C1orf159: variants seen among roughly 807,000 people sequenced by gnomAD.
The protein encoded by C1orf159 is uncharacterized protein C1orf159.
A neutral mutation model predicts 25.6 loss-of-function variants in C1orf159; 19 were observed. The observed-to-expected ratio is 0.74, with a 90% confidence interval of 0.52 to 1.09. C1orf159 has a LOEUF of 1.09. Among genes scored for constraint, C1orf159 ranks in the 50% least tolerant of loss-of-function variants. The pLI is 0.00. For missense variants in C1orf159, 274 were observed against 290.6 expected (o/e 0.94, Z 0.42); for synonymous variants, 139 against 124.7 (o/e 1.12, Z -0.77).
At chr1:1,088,777 CG>C (rs1645877204) in intron 4 of C1orf159, among the ~76,000 whole-genome samples, 1 of 152,190 alleles carries the variant, frequency 6.6e-6, no homozygotes, top group Non-Finnish European at 1.5e-5. Flanking sequence ...TGAATACAAA[CG>C]GGCCGCGGCG....
intron 9 of C1orf159, 44 bp downstream of exon 9, chr1:1,084,309 C>A (rs1442900998): frequency 1.3e-6 from 2 of 1,525,996 alleles, no homozygotes; most frequent in Non-Finnish European, 1.8e-6. Context: ...GGGACTGGCC[C>A]AGAGATGGGA....
intron 4 of C1orf159, among the ~76,000 whole-genome samples, chr1:1,088,394 G>T: frequency 9.9e-6 from 1 of 100,764 alleles, no homozygotes; most frequent in Non-Finnish European, 1.8e-5. Context: ...CTCGCACCCC[G>T]TGTTCCCTCA....
At chr1:1,083,866 C>G in intron 9 of C1orf159, 1 of 1,492,334 alleles carries the variant, frequency 6.7e-7, no homozygotes, top group East Asian at 2.5e-5. Flanking sequence ...GGCTGTGCGC[C>G]GGTCACTCAG....
At chr1:1,095,068 TCCA>T (rs1645991337) in intron 1 of C1orf159, among the ~76,000 whole-genome samples, 2 of 152,262 alleles carry the variant, frequency 1.3e-5, no homozygotes, top group African/African-American at 4.8e-5. Flanking sequence ...TCTATTCTGT[TCCA>T]CTCACCTGTG....
In C1orf159 at chr1:1,086,134, C is replaced by G; in HGVS notation, c.311-122G>C. 2.4e-6 allele frequency: 3 copies of G among 1,269,184 alleles called. No individual in the cohort carries two copies. In the Admixed American group the frequency reaches 6.5e-5, roughly 28 times the overall value. 78.6% of individuals were successfully genotyped at this position (1,269,184 alleles called of 1,614,324 possible). A position where few individuals can be genotyped will look rare whatever the true frequency, so the allele number is the denominator to read the frequency against. On this transcript the variant is annotated intron_variant, in intron 6 of 9. Transcript: ENST00000421241. Reference sequence around the variant, plus strand: ...CTGAACATGCCTGAGCCTCACGGGACCGGCTGTGGGTGCCGAGGGCTCTGC... The same window carrying G: ...CTGAACATGCCTGAGCCTCACGGGAGCGGCTGTGGGTGCCGAGGGCTCTGC...
rs1047396158 is a variant in C1orf159, at chr1:1,089,992, G to A, written c.148+361C>T. ...AGCACCTCTGCCCGAGCACGGACAG[G>A]CAAAAATGTCTTGGGCTTTGCCAGA... On this transcript the variant is annotated intron_variant, in intron 4 of 9. Coordinates refer to ENST00000421241, the MANE Select transcript of C1orf159 (RefSeq NM_017891.5). This position sits in a 1 kb window ranked among gnomAD's most constrained non-coding sequence, Gnocchi z 7.5. Among the ~76,000 whole-genome samples, 8 of 152,216 alleles carry A rather than the reference G, an allele frequency of 5.3e-5. No homozygotes were observed. Among genetic ancestry groups the A allele is most frequent in the Admixed American group, 6.5e-5 (1 of 15,290 alleles).
intron 1 of C1orf159, among the ~76,000 whole-genome samples, chr1:1,109,251 T>C (rs915200693): frequency 1.3e-5 from 2 of 152,222 alleles, no homozygotes; most frequent in Admixed American, 6.5e-5. Flanking sequence ...TTGAAAACAC[T>C]ATGCTAAGTG....
In C1orf159 at chr1:1,082,771, C is replaced by A; in HGVS notation, c.*122G>T. The A allele has an allele frequency of 1.1e-6, 1 of 915,552 alleles. No homozygotes were observed. Among genetic ancestry groups the A allele is most frequent in the Non-Finnish European group, 1.7e-6 (1 of 581,994 alleles). The allele number at this position is 915,552 out of a possible 1,614,324, so 56.7% of individuals were successfully genotyped here. ...GCTGGGAGGCGGAGGGACTCAGAGC[C>A]GAGGCTGTGCCCAGGACTGTCCCGG... is the stretch of plus-strand genomic sequence containing the variant. On this transcript the variant is annotated 3_prime_UTR_variant, in exon 10 of 10. Coordinates refer to ENST00000421241, the MANE Select transcript of C1orf159 (RefSeq NM_017891.5).
rs763704351 is a variant in C1orf159, at chr1:1,087,179, G to A, written c.270C>T (p.Pro90=). The change falls in exon 6 of 10, where the codon CCC becomes CCT. Residue 90 remains proline, a synonymous_variant. Coordinates refer to ENST00000421241, the MANE Select transcript of C1orf159 (RefSeq NM_017891.5). This position sits in a 1 kb window ranked among gnomAD's most constrained non-coding sequence, Gnocchi z 8.3. ...RSFAGPGAPF[P]MNRSSGTPGR... ...CGGGGGTCCCTGAGCTTCTGTTCAT[G>A]GGGAATGGCGCACCCGGGCCAGCAA... The A allele has an allele frequency of 6.2e-7, 1 of 1,610,238 alleles. No homozygotes were observed. Among genetic ancestry groups the A allele is most frequent in the Non-Finnish European group, 8.5e-7 (1 of 1,179,254 alleles).
chr1:1,083,956 C>T lies in C1orf159; in HGVS notation c.502+397G>A, dbSNP rs149638137. 60 of 1,602,200 alleles carry T rather than the reference C, an allele frequency of 3.7e-5. No homozygotes were observed. In the African/African-American group the frequency reaches 4.7e-4, roughly 12 times the overall value. On this transcript the variant is annotated intron_variant, in intron 9 of 9. Transcript: ENST00000421241. ...TCCGCCTGACCCAGCACCACTGAAG[C>T]GATGGCTGCTCAGGAGGGCCTGGCG... is the stretch of plus-strand genomic sequence containing the variant.
chr1:1,087,653 T>G lies in C1orf159; in HGVS notation c.149-56A>C. 1 of 1,274,992 alleles carries G rather than the reference T, an allele frequency of 7.8e-7. No individual in the cohort carries two copies. Among genetic ancestry groups the G allele is most frequent in the Non-Finnish European group, 1.1e-6 (1 of 915,838 alleles). 79.0% of individuals were successfully genotyped at this position (1,274,992 alleles called of 1,614,324 possible). A position where few individuals can be genotyped will look rare whatever the true frequency, so the allele number is the denominator to read the frequency against. On this transcript the variant is annotated intron_variant, in intron 4 of 9. Transcript: ENST00000421241. This position sits in a 1 kb window ranked among gnomAD's most constrained non-coding sequence, Gnocchi z 8.3. The stretch of plus-strand genomic sequence containing the variant: ...CAAAGCAAAATCCACACCAGCTGGG[T>G]CTCCTGGGAATGATTCTCTATTTGA...
intron 1 of C1orf159, among the ~76,000 whole-genome samples, chr1:1,101,623 C>G (rs940755879): frequency 2.6e-5 from 4 of 151,900 alleles, no homozygotes; most frequent in African/African-American, 9.7e-5. Context: ...GCTCAGGGTC[C>G]GTCGGCTCAT....
chr1:1,084,179 G>C (rs1346568570), intron 9 of C1orf159, 174 bp downstream of exon 9: 1 of 1,530,584 alleles, frequency 6.5e-7, no homozygotes, highest in Non-Finnish European at 8.8e-7. Flanking sequence ...AGAGCAGGGG[G>C]CACCAGCCAA....
intron 6 of C1orf159, 32 bp from the exon 7 acceptor site, chr1:1,086,044 G>A (rs1183815732): frequency 6.2e-7 from 1 of 1,609,274 alleles, no homozygotes; most frequent in South Asian, 1.1e-5. Context: ...CAGACGGGCA[G>A]GACGGTGGCC....
At chr1:1,094,707 TATC>T (rs1236252477) in intron 1 of C1orf159, among the ~76,000 whole-genome samples, 1 of 152,206 alleles carries the variant, frequency 6.6e-6, no homozygotes, top group Non-Finnish European at 1.5e-5. Flanking sequence ...GCCCCCGTCT[TATC>T]ATTTTTTTAT....
At chr1:1,084,054 G>A (rs777256335) in intron 9 of C1orf159, 49 of 1,609,294 alleles carry the variant, frequency 3.0e-5, no homozygotes, top group African/African-American at 1.7e-4. Flanking sequence ...CTGCCCTGTC[G>A]TGGTGGGTCC....
intron 1 of C1orf159, among the ~76,000 whole-genome samples, chr1:1,113,811 T>C (rs1335311040): frequency 1.3e-5 from 2 of 152,186 alleles, no homozygotes; most frequent in African/African-American, 4.8e-5. Context: ...CGTCTCCCGA[T>C]TCTTCCCTCG....
At chr1:1,108,605 G>A (rs1455789237) in intron 1 of C1orf159, among the ~76,000 whole-genome samples, 5 of 94,388 alleles carry the variant, frequency 5.3e-5, no homozygotes, top group Admixed American at 1.3e-4. Context: ...TCTCGGCACC[G>A]TTCACCACAG....
At chr1:1,099,735 T>A (rs199766646) in intron 1 of C1orf159, among the ~76,000 whole-genome samples, 3 of 149,538 alleles carry the variant, frequency 2.0e-5, no homozygotes, top group Admixed American at 6.6e-5. Context: ...TCTCCGACTA[T>A]GATTGTGGAT....
Sources: allele counts gnomAD v4.1 joint callset (sites outside exome capture counted in the v4.1 genomes callset), GRCh38; gene constraint gnomAD v4.1.1; non-coding constraint Gnocchi (gnomAD v3.1); transcripts MANE v1.5; gene names NCBI Gene and HGNC (gene_info 2026-07-23, HGNC 2026-07-21).